The following ACTR3C variants were observed in gnomAD, a reference collection of about 807,000 sequenced individuals.
The protein encoded by ACTR3C is actin related protein 3C.
In ACTR3C, 18 loss-of-function variants were observed where a neutral mutation model predicts 26.3. That is an observed-to-expected ratio of 0.68 (90% CI 0.47 to 1.01). ACTR3C has a LOEUF of 1.01. ACTR3C is among the 50% of genes least tolerant of loss of function. The probability of loss-of-function intolerance (pLI) is 0.00; values close to 1 mark genes in which losing one functional copy is unlikely to be tolerated. For synonymous variants in ACTR3C, 55 were observed against 94.5 expected (o/e 0.58, Z 2.42); for missense variants, 184 against 250.7 (o/e 0.73, Z 1.80).
chr7:150,196,050 G>A, the ACTR3C span, among the ~76,000 whole-genome samples: 2 of 152,196 alleles, frequency 1.3e-5, no homozygotes, highest in African/African-American at 2.4e-5. Context: ...AACATGGTAT[G>A]CTTGTGTGTC....
At chr7:150,134,667 G>T in the ACTR3C span, among the ~76,000 whole-genome samples, 4,229 of 152,116 alleles carry the variant, frequency 0.028, 19 homozygotes, top group African/African-American at 0.096. Flanking sequence ...CAGAGGGGTC[G>T]CTTTCATGAT....
At chr7:149,947,785 G>T in the ACTR3C span, among the ~76,000 whole-genome samples, 1 of 145,308 alleles carries the variant, frequency 6.9e-6, no homozygotes. Context: ...GACTGCAGGG[G>T]AATGGCCATT....
At chr7:150,008,646 C>T in the ACTR3C span, among the ~76,000 whole-genome samples, 1 of 150,716 alleles carries the variant, frequency 6.6e-6, no homozygotes, top group Non-Finnish European at 1.5e-5. Context: ...GACTCCATAG[C>T]ACTAGCTGCC....
the ACTR3C span, among the ~76,000 whole-genome samples, chr7:150,198,998 T>C: frequency 1.3e-4 from 14 of 111,098 alleles, no homozygotes; most frequent in African/African-American, 2.1e-4. Context: ...TCAGCCCCCC[T>C]GCCCGGCCAG....
chr7:149,984,287 T>A, the ACTR3C span, among the ~76,000 whole-genome samples: 69,367 of 151,326 alleles, frequency 0.46, 17,332 homozygotes, highest in South Asian at 0.57. Flanking sequence ...CACTGCAACC[T>A]CTGCCTCCTG....
At chr7:149,974,826 T>C in the ACTR3C span, among the ~76,000 whole-genome samples, 11 of 151,908 alleles carry the variant, frequency 7.2e-5, no homozygotes, top group East Asian at 1.9e-3. Flanking sequence ...GTCTCATGTG[T>C]TTATTTTCAG....
At chr7:150,007,200 G>A in the ACTR3C span, among the ~76,000 whole-genome samples, 2 of 152,106 alleles carry the variant, frequency 1.3e-5, no homozygotes, top group Non-Finnish European at 2.9e-5. Context: ...CACAGCACCC[G>A]CTTTTGCCAA....
At chr7:150,228,801 A>G in the ACTR3C span, among the ~76,000 whole-genome samples, 109 of 150,264 alleles carry the variant, frequency 7.3e-4, 2 homozygotes, top group African/African-American at 2.7e-3. Context: ...AAAAATACAT[A>G]GTAACAATCA....
chr7:149,978,253 A>G, the ACTR3C span, among the ~76,000 whole-genome samples: 1 of 152,202 alleles, frequency 6.6e-6, no homozygotes, highest in Non-Finnish European at 1.5e-5. Context: ...TACCATGGAC[A>G]TAAGTATTTC....
At chr7:150,207,622 A>G in the ACTR3C span, among the ~76,000 whole-genome samples, 1 of 149,852 alleles carries the variant, frequency 6.7e-6, no homozygotes, top group Non-Finnish European at 1.5e-5. Context: ...GTCAAAAAAA[A>G]GGGGAGATAA....
chr7:149,899,250 A>G, the ACTR3C span, among the ~76,000 whole-genome samples: 4 of 114,902 alleles, frequency 3.5e-5, no homozygotes, highest in African/African-American at 6.6e-5. Context: ...GAGAAAAGAC[A>G]ATGAATAGAC....
At chr7:150,067,830 T>TCAGGGGGAGGGG in the ACTR3C span, among the ~76,000 whole-genome samples, 1 of 142,794 alleles carries the variant, frequency 7.0e-6, no homozygotes, top group African/African-American at 2.7e-5. Context: ...GGGGGGAGGG[T>TCAGGGGGAGGGG]GCGGACACAT....
At chr7:150,005,622 G>T in the ACTR3C span, among the ~76,000 whole-genome samples, 1 of 152,082 alleles carries the variant, frequency 6.6e-6, no homozygotes, top group African/African-American at 2.4e-5. Flanking sequence ...GGGGGGAAGA[G>T]GAGGTGAGGA....
chr7:150,274,429 C>A lies in ACTR3C; in HGVS notation c.564+10324G>T, dbSNP rs1045155991. Reference sequence around the variant, plus strand: ...TATACACTTAAACCATAATATAGTGCAAACATAGCCTTCATGTGCACCAGG... The same window carrying A: ...TATACACTTAAACCATAATATAGTGAAAACATAGCCTTCATGTGCACCAGG... On this transcript the variant is annotated intron_variant, in intron 6 of 7. Coordinates refer to ENST00000683684, the MANE Select transcript of ACTR3C (RefSeq NM_001164458.2). The surrounding 1 kb of genome is among the most constrained non-coding windows in gnomAD (Gnocchi z 4.1). Among the ~76,000 whole-genome samples, 2 of 152,180 alleles carry A rather than the reference C, an allele frequency of 1.3e-5. No homozygotes were observed. The highest frequency in any genetic ancestry group is 4.8e-5 in the African/African-American group (2 of 41,434).
the ACTR3C span, among the ~76,000 whole-genome samples, chr7:150,180,551 C>T: frequency 7.2e-6 from 1 of 138,762 alleles, no homozygotes; most frequent in South Asian, 2.3e-4. Flanking sequence ...CTCGCTCTGT[C>T]GCCCAGGCTG....
the ACTR3C span, among the ~76,000 whole-genome samples, chr7:149,883,645 G>A: frequency 3.9e-5 from 6 of 152,240 alleles, no homozygotes; most frequent in Admixed American, 1.3e-4. Flanking sequence ...TCCAATCTGC[G>A]CATTGCTGGG....
At chr7:150,311,642 A>C (rs1244847488) in intron 1 of ACTR3C, among the ~76,000 whole-genome samples, 5 of 152,072 alleles carry the variant, frequency 3.3e-5, no homozygotes, top group Middle Eastern at 3.2e-3. Context: ...TACACATAGC[A>C]TCTTCCCCCT....
intron 6 of ACTR3C, among the ~76,000 whole-genome samples, chr7:150,265,884 T>A (rs1833999819): frequency 6.6e-6 from 1 of 152,086 alleles, no homozygotes; most frequent in South Asian, 2.1e-4. Context: ...CTTATATACA[T>A]CATGGCCCTT....
the ACTR3C span, among the ~76,000 whole-genome samples, chr7:149,981,772 G>C: frequency 6.6e-6 from 1 of 152,154 alleles, no homozygotes; most frequent in Non-Finnish European, 1.5e-5. Flanking sequence ...GAGAGAGCTG[G>C]TCCTTGAGTT....
Sources: allele counts gnomAD v4.1 joint callset (sites outside exome capture counted in the v4.1 genomes callset), GRCh38; gene constraint gnomAD v4.1.1; non-coding constraint Gnocchi (gnomAD v3.1); transcripts MANE v1.5; gene names NCBI Gene and HGNC (gene_info 2026-07-23, HGNC 2026-07-21).